SETD3: variants seen among roughly 807,000 people sequenced by gnomAD.
SETD3 encodes actin-histidine N-methyltransferase.
A neutral mutation model predicts 63.0 loss-of-function variants in SETD3; 19 were observed. That is an observed-to-expected ratio of 0.30 (90% CI 0.21 to 0.44). The LOEUF is 0.44. SETD3 is among the 20% of genes least tolerant of loss of function. SETD3 has a pLI of 1.00. For missense variants in SETD3, 587 were observed against 728.5 expected (o/e 0.81, Z 2.24); for synonymous variants, 286 against 264.1 (o/e 1.08, Z -0.80).
At chr14:99,435,861 T>C (rs1321823748) in intron 6 of SETD3, among the ~76,000 whole-genome samples, 3 of 151,940 alleles carry the variant, frequency 2.0e-5, no homozygotes, top group African/African-American at 7.3e-5. Context: ...CTCCAATGTC[T>C]GGTCATCGGT....
At chr14:99,420,101 C>T (rs1892506346) in intron 6 of SETD3, among the ~76,000 whole-genome samples, 1 of 152,172 alleles carries the variant, frequency 6.6e-6, no homozygotes, top group South Asian at 2.1e-4. Flanking sequence ...CATGCAAATC[C>T]CTCTTCTTCC....
chr14:99,413,446 TA>T (rs1892116967), intron 7 of SETD3, among the ~76,000 whole-genome samples: 1 of 152,100 alleles, frequency 6.6e-6, no homozygotes, highest in Non-Finnish European at 1.5e-5. Context: ...AAGCAAACCA[TA>T]AAACTCCTTT....
chr14:99,430,262 A>G (rs532269802), intron 6 of SETD3, among the ~76,000 whole-genome samples: 73 of 152,300 alleles, frequency 4.8e-4, no homozygotes, highest in Admixed American at 3.7e-3. Flanking sequence ...ATGGGAGTGA[A>G]GTCTGGGAGA....
intron 6 of SETD3, among the ~76,000 whole-genome samples, chr14:99,450,162 G>A (rs1415983660): frequency 6.6e-6 from 1 of 152,220 alleles, no homozygotes; most frequent in Non-Finnish European, 1.5e-5. Context: ...TATATACAGC[G>A]TATGCTACTG....
Position 99,465,808 on chromosome 14 carries a change from TTC to T in SETD3, c.-5_-4del. On this transcript the variant is annotated 5_prime_UTR_variant, in exon 2 of 13. Coordinates refer to ENST00000331768, the MANE Select transcript of SETD3 (RefSeq NM_032233.3). ...TTTACTCGACTCTTCTTACCCATTT[TTC>T]TGACTACAGAGAAGAGAAAGAAAAG... 6.2e-7 allele frequency: 1 copy of T among 1,609,966 alleles called. No individual in the cohort carries two copies. Among genetic ancestry groups the T allele is most frequent in the African/African-American group, 1.3e-5 (1 of 74,954 alleles).
rs116590169 is a variant in SETD3, at chr14:99,430,087, G to A, written c.676-16153C>T. ...CAGAGAGGGAAGCCCAGGAAACAGC[G>A]TTTTCAGTAAGTTTCCCAGGTGACT... On this transcript the variant is annotated intron_variant, in intron 6 of 12. Transcript: ENST00000331768. 5.1e-3 allele frequency among the ~76,000 whole-genome samples: 784 copies of A among 152,320 alleles called. 11 individuals are homozygous for A. The highest frequency in any genetic ancestry group is 0.018 in the African/African-American group (747 of 41,568).
chr14:99,419,504 G>A (rs1315069089), intron 6 of SETD3, among the ~76,000 whole-genome samples: 6 of 152,090 alleles, frequency 3.9e-5, no homozygotes, highest in South Asian at 2.1e-4. Context: ...GGCCGGGCGC[G>A]GTGGCTCACG....
chr14:99,428,702 G>C (rs1360844415), intron 6 of SETD3, among the ~76,000 whole-genome samples: 3 of 152,118 alleles, frequency 2.0e-5, no homozygotes, highest in African/African-American at 7.2e-5. Context: ...ATGTGGGGAG[G>C]GGGTAGGTGA....
intron 4 of SETD3, among the ~76,000 whole-genome samples, chr14:99,459,435 CAA>C (rs1894947347): frequency 6.6e-6 from 1 of 151,924 alleles, no homozygotes; most frequent in Admixed American, 6.6e-5. Context: ...AGCAAATAAT[CAA>C]AAAAGGGACT....
chr14:99,485,270 G>A (rs779669559), upstream of SETD3, among the ~76,000 whole-genome samples: 3 of 152,168 alleles, frequency 2.0e-5, no homozygotes, highest in Non-Finnish European at 4.4e-5. Flanking sequence ...GTGGACCGAG[G>A]TTCTTTTCCA....
At chr14:99,449,837 C>T (rs950274864) in intron 6 of SETD3, among the ~76,000 whole-genome samples, 3 of 152,166 alleles carry the variant, frequency 2.0e-5, no homozygotes, top group Admixed American at 6.5e-5. Flanking sequence ...TATAGGAGTT[C>T]TGTGCACAAA....
chr14:99,482,460 T>C (rs1896367469), upstream of SETD3, among the ~76,000 whole-genome samples: 1 of 152,226 alleles, frequency 6.6e-6, no homozygotes, highest in Non-Finnish European at 1.5e-5. Context: ...ATGGTAGTGG[T>C]AGTAGTATTG....
chr14:99,436,363 A>C (rs1893483154), intron 6 of SETD3, among the ~76,000 whole-genome samples: 1 of 152,118 alleles, frequency 6.6e-6, no homozygotes, highest in African/African-American at 2.4e-5. Context: ...TTTCCTTCTC[A>C]GTTTTCCATC....
chr14:99,442,976 G>A (rs375124165), intron 6 of SETD3, among the ~76,000 whole-genome samples: 10 of 152,272 alleles, frequency 6.6e-5, no homozygotes, highest in South Asian at 2.1e-4. Flanking sequence ...CGGACGGGAC[G>A]CTGATGTTGT....
chr14:99,448,554 A>G (rs12882612), intron 6 of SETD3, among the ~76,000 whole-genome samples: 63,735 of 151,980 alleles, frequency 0.42, 13,865 homozygotes, highest in East Asian at 0.56. Flanking sequence ...ATGCCCCATA[A>G]TATCTACCCA....
intron 9 of SETD3, 62 bp from the exon 10 acceptor site, chr14:99,405,433 C>T: frequency 6.5e-7 from 1 of 1,531,650 alleles, no homozygotes. Flanking sequence ...ATTCTTAACA[C>T]AGGGCAGGGC....
At chr14:99,403,453 ACACTCTCTCTCT>A (rs1457447473) in intron 11 of SETD3, among the ~76,000 whole-genome samples, 71 of 106,198 alleles carry the variant, frequency 6.7e-4, no homozygotes, top group African/African-American at 2.4e-3. Context: ...ACACACACAC[ACACTCTCTCTCT>A]CTCTCTCTCT....
intron 6 of SETD3, among the ~76,000 whole-genome samples, chr14:99,441,993 G>A (rs1352316383): frequency 1.3e-5 from 2 of 152,164 alleles, no homozygotes; most frequent in Non-Finnish European, 2.9e-5. Context: ...AAGCCCCCAG[G>A]CATTTTAAAC....
In SETD3 at chr14:99,398,624, CG is replaced by C; in HGVS notation, c.*54del. Reference sequence around the variant, plus strand: ...TAACAAGGAAACACAGCGATGTGAACGGACTGTCCGTCAACTCCTGCTCCAC... The same window carrying C: ...TAACAAGGAAACACAGCGATGTGAACGACTGTCCGTCAACTCCTGCTCCAC... On this transcript the variant is annotated 3_prime_UTR_variant, in exon 13 of 13. Coordinates refer to ENST00000331768, the MANE Select transcript of SETD3 (RefSeq NM_032233.3). The C allele has an allele frequency of 6.7e-7, 1 of 1,488,108 alleles. No homozygotes were observed. Among genetic ancestry groups the C allele is most frequent in the Non-Finnish European group, 9.3e-7 (1 of 1,078,978 alleles). The allele number at this position is 1,488,108 out of a possible 1,614,324, so 92.2% of individuals were successfully genotyped here.
Sources: allele counts gnomAD v4.1 joint callset (sites outside exome capture counted in the v4.1 genomes callset), GRCh38; gene constraint gnomAD v4.1.1; transcripts MANE v1.5; gene names NCBI Gene and HGNC (gene_info 2026-07-23, HGNC 2026-07-21).